BNC2: variants seen among roughly 807,000 people sequenced by gnomAD.
BNC2 encodes the protein zinc finger protein basonuclin-2.
In BNC2, 20 loss-of-function variants were observed where a neutral mutation model predicts 76.3. The ratio of observed to expected loss-of-function variants is 0.26; its 90% CI spans 0.18 to 0.38. The LOEUF (loss-of-function observed/expected upper bound fraction) is 0.38, where lower values mean the gene tolerates loss of function less well. Ranked by LOEUF, BNC2 falls within the 10% of genes least tolerant of loss-of-function variation. The pLI is 1.00. For missense variants in BNC2, 1,382 were observed against 1,399.8 expected (o/e 0.99, Z 0.20); for synonymous variants, 582 against 514.8 (o/e 1.13, Z -1.77).
chr9:16,612,340 T>C (rs780602634), intron 3 of BNC2, among the ~76,000 whole-genome samples: 27 of 152,198 alleles, frequency 1.8e-4, no homozygotes, highest in Admixed American at 3.3e-4. Context: ...GATACAATAC[T>C]GTACACATGA....
intron 4 of BNC2, among the ~76,000 whole-genome samples, chr9:16,564,712 C>T (rs913029085): frequency 4.6e-5 from 7 of 152,082 alleles, no homozygotes; most frequent in African/African-American, 1.7e-4. Flanking sequence ...CTCATAGGTG[C>T]TTATTGACAA....
At chr9:16,847,874 T>G (rs908201051) in intron 1 of BNC2, among the ~76,000 whole-genome samples, 2 of 152,210 alleles carry the variant, frequency 1.3e-5, no homozygotes, top group Non-Finnish European at 2.9e-5. Context: ...TAAGCTCATA[T>G]GAAGCATGAA....
At chr9:16,529,391 T>C (rs868592595) in intron 5 of BNC2, among the ~76,000 whole-genome samples, 4 of 152,212 alleles carry the variant, frequency 2.6e-5, no homozygotes, top group African/African-American at 9.6e-5. Flanking sequence ...ATGATAATGA[T>C]AACATATGGA....
At position 16,416,894 on chromosome 9, in the gene BNC2, T is replaced by C. The variant is rs1820595174; in HGVS notation, c.*2095A>G. 6.6e-6 allele frequency: 1 copy of C among 152,602 alleles called. No homozygotes were observed. Among genetic ancestry groups the C allele is most frequent in the Non-Finnish European group, 1.5e-5 (1 of 68,036 alleles). 9.5% of individuals were successfully genotyped at this position (152,602 alleles called of 1,614,324 possible). On this transcript the variant is annotated 3_prime_UTR_variant, in exon 7 of 7. Coordinates refer to ENST00000380672, the MANE Select transcript of BNC2 (RefSeq NM_017637.6). ...CAGGAATAATAACAACAGAAACATA[T>C]TAACAGTTTCCTTTGGCAAATTTAA...
chr9:16,590,929 C>T (rs1819913064), intron 3 of BNC2, among the ~76,000 whole-genome samples: 2 of 152,170 alleles, frequency 1.3e-5, no homozygotes, highest in Non-Finnish European at 2.9e-5. Context: ...AATAAACAAA[C>T]TAATGGCTTG....
rs2119026615 is a variant in BNC2, at chr9:16,418,883, A to G, written c.*106T>C. 3 of 1,250,792 alleles carry G rather than the reference A, an allele frequency of 2.4e-6. No individual in the cohort carries two copies. Among genetic ancestry groups the G allele is most frequent in the Non-Finnish European group, 2.3e-6 (2 of 853,170 alleles). 77.5% of individuals were successfully genotyped at this position (1,250,792 alleles called of 1,614,324 possible). ...AGAGCATACATAAATGCACACACAC[A>G]CACACACACACACACACCCCAAGTA... On this transcript the variant is annotated 3_prime_UTR_variant, in exon 7 of 7. Transcript: ENST00000380672.
At chr9:16,762,284 G>C (rs562105424) in intron 1 of BNC2, among the ~76,000 whole-genome samples, 6 of 152,302 alleles carry the variant, frequency 3.9e-5, no homozygotes, top group Middle Eastern at 3.4e-3. Context: ...AGAAGGGGCT[G>C]ATGTAGGAAA....
chr9:16,430,935 T>G (rs918339856), intron 6 of BNC2, among the ~76,000 whole-genome samples: 1 of 152,256 alleles, frequency 6.6e-6, no homozygotes, highest in African/African-American at 2.4e-5. Flanking sequence ...AAATATAATT[T>G]GGTCTTTAAA....
chr9:16,453,534 T>C (rs183511956), intron 5 of BNC2, among the ~76,000 whole-genome samples: 10 of 152,350 alleles, frequency 6.6e-5, no homozygotes, highest in African/African-American at 2.4e-4. Context: ...CTGGATTATT[T>C]TGATAGGTGC....
At chr9:16,747,768 A>G (rs988932959) in intron 1 of BNC2, among the ~76,000 whole-genome samples, 1 of 152,224 alleles carries the variant, frequency 6.6e-6, no homozygotes, top group African/African-American at 2.4e-5. Flanking sequence ...TTAAACATCA[A>G]TTAATATCTG....
intron 3 of BNC2, among the ~76,000 whole-genome samples, chr9:16,604,472 C>T (rs79975355): frequency 7.2e-4 from 109 of 152,172 alleles, no homozygotes; most frequent in Non-Finnish European, 6.9e-4. Flanking sequence ...GCTAAACCTA[C>T]GCTAAAAGCC....
At chr9:16,515,899 G>A (rs192448143) in intron 5 of BNC2, among the ~76,000 whole-genome samples, 77 of 151,086 alleles carry the variant, frequency 5.1e-4, no homozygotes, top group African/African-American at 1.8e-3. Flanking sequence ...CATGAAACAG[G>A]TTTGGAAGAT....
rs112209032 is a variant in BNC2 at position 16,636,926 on chromosome 9, A to AATAT, written c.331-53845_331-53842dup. ...TTGTCCTATATTATTCCATGATTTA[A>AATAT]ATATATATATATATGTATTTTTTTT... On this transcript the variant is annotated intron_variant, in intron 3 of 6. Transcript: ENST00000380672. 7.0e-4 allele frequency among the ~76,000 whole-genome samples: 105 copies of AATAT among 151,032 alleles called. 1 individual carries two copies. The highest frequency in any genetic ancestry group is 2.4e-3 in the African/African-American group (101 of 41,264).
intron 3 of BNC2, among the ~76,000 whole-genome samples, chr9:16,720,448 T>C (rs12379708): frequency 4.6e-5 from 7 of 152,138 alleles, no homozygotes; most frequent in Non-Finnish European, 8.8e-5. Flanking sequence ...CAAATATGAA[T>C]GAGATTTATA....
chr9:16,491,338 G>A (rs1587090460), intron 5 of BNC2, among the ~76,000 whole-genome samples: 1 of 152,138 alleles, frequency 6.6e-6, no homozygotes. Context: ...ATACTCAACA[G>A]GTGGAAAGGG....
At chr9:16,831,318 G>C (rs984804362) in intron 1 of BNC2, among the ~76,000 whole-genome samples, 7 of 152,176 alleles carry the variant, frequency 4.6e-5, no homozygotes, top group Non-Finnish European at 8.8e-5. Flanking sequence ...ATGTCTAAAA[G>C]ATGGATGAGC....
At chr9:16,530,846 G>A (rs974838961) in intron 5 of BNC2, among the ~76,000 whole-genome samples, 1 of 152,198 alleles carries the variant, frequency 6.6e-6, no homozygotes, top group African/African-American at 2.4e-5. Flanking sequence ...TGCAGGGGAA[G>A]AGCATGAGCT....
At chr9:16,642,759 T>C (rs1421230692) in intron 3 of BNC2, among the ~76,000 whole-genome samples, 1 of 152,176 alleles carries the variant, frequency 6.6e-6, no homozygotes, top group Non-Finnish European at 1.5e-5. Flanking sequence ...ACAGTCCCTA[T>C]GGCTTAAATA....
chr9:16,690,976 T>G (rs145825401), intron 3 of BNC2, among the ~76,000 whole-genome samples: 1 of 152,124 alleles, frequency 6.6e-6, no homozygotes, highest in Non-Finnish European at 1.5e-5. Context: ...CAAAGAACAG[T>G]GCCCTGGGCT....
Sources: allele counts gnomAD v4.1 joint callset (sites outside exome capture counted in the v4.1 genomes callset), GRCh38; gene constraint gnomAD v4.1.1; transcripts MANE v1.5; gene names NCBI Gene and HGNC (gene_info 2026-07-23, HGNC 2026-07-21).